LRRK1: variants seen among roughly 807,000 people sequenced by gnomAD.
The protein encoded by LRRK1 is leucine-rich repeat serine/threonine-protein kinase 1.
In LRRK1, 113 loss-of-function variants were observed where a neutral mutation model predicts 209.1. The ratio of observed to expected loss-of-function variants is 0.54; its 90% CI spans 0.46 to 0.63. LRRK1 has a LOEUF of 0.63. Ranked by LOEUF, LRRK1 falls within the 30% of genes least tolerant of loss-of-function variation. LRRK1 has a pLI of 0.00. For synonymous variants in LRRK1, 1,144 were observed against 1,099.7 expected (o/e 1.04, Z -0.80); for missense variants, 2,284 against 2,632.2 (o/e 0.87, Z 2.89).
At chr15:100,955,482 T>C (rs10902587) in intron 2 of LRRK1, among the ~76,000 whole-genome samples, 138,175 of 152,134 alleles carry the variant, frequency 0.91, 62,919 homozygotes, top group East Asian at 0.99. Context: ...TATTTGGATG[T>C]CTTTTATTTC....
chr15:100,954,992 G>T (rs563319278), intron 2 of LRRK1, among the ~76,000 whole-genome samples: 1 of 149,018 alleles, frequency 6.7e-6, no homozygotes, highest in East Asian at 2.0e-4. Flanking sequence ...ATTGGGGGTC[G>T]TCTGTGGTTC....
At chr15:100,928,751 G>A (rs759715930) in intron 2 of LRRK1, among the ~76,000 whole-genome samples, 13 of 152,030 alleles carry the variant, frequency 8.6e-5, no homozygotes, top group African/African-American at 2.7e-4. Flanking sequence ...TGTGACTTGC[G>A]TGACCTCAGC....
intron 4 of LRRK1, among the ~76,000 whole-genome samples, chr15:100,987,952 T>A (rs2031957855): frequency 6.6e-6 from 1 of 152,194 alleles, no homozygotes; most frequent in Non-Finnish European, 1.5e-5. Flanking sequence ...ACCCATTTTT[T>A]ATTTGGCTAA....
At chr15:100,986,793 A>G (rs2031898511) in intron 4 of LRRK1, among the ~76,000 whole-genome samples, 1 of 151,940 alleles carries the variant, frequency 6.6e-6, no homozygotes, top group African/African-American at 2.4e-5. Flanking sequence ...ATTCCCCTAC[A>G]CTCCTTGCCC....
chr15:100,989,132 G>C, intron 5 of LRRK1, 118 bp from the exon 6 acceptor site: 1 of 900,916 alleles, frequency 1.1e-6, no homozygotes, highest in Non-Finnish European at 1.7e-6. Flanking sequence ...AGTAAATAGA[G>C]AAGTCCAACA....
At chr15:100,921,641 C>T (rs540232627) in intron 1 of LRRK1, among the ~76,000 whole-genome samples, 12 of 152,352 alleles carry the variant, frequency 7.9e-5, no homozygotes, top group Non-Finnish European at 1.8e-4. Flanking sequence ...TGTCTGCTCC[C>T]CCACCAGCTT....
intron 6 of LRRK1, among the ~76,000 whole-genome samples, chr15:100,992,444 A>G (rs551079289): frequency 9.2e-5 from 14 of 152,226 alleles, no homozygotes; most frequent in Admixed American, 2.6e-4. Flanking sequence ...TTCTATATCT[A>G]TACTTATATT....
At chr15:100,927,896 C>T (rs1053811983) in intron 2 of LRRK1, among the ~76,000 whole-genome samples, 1 of 152,196 alleles carries the variant, frequency 6.6e-6, no homozygotes, top group African/African-American at 2.4e-5. Flanking sequence ...ACAGTGCTCC[C>T]TCTGTAAAGC....
intron 20 of LRRK1, among the ~76,000 whole-genome samples, chr15:101,042,614 A>G (rs2054127): frequency 0.99 from 150,598 of 152,262 alleles, 74,501 homozygotes; most frequent in East Asian, 1. Context: ...GCCCTTGAGC[A>G]TTGGGCAGCA....
In LRRK1 at chr15:100,952,836, A is replaced by G. The variant is rs1205380703; in HGVS notation, c.98-20968A>G. On this transcript the variant is annotated intron_variant, in intron 2 of 33. Transcript: ENST00000388948. The stretch of plus-strand genomic sequence containing the variant: ...TTTAAGTCTGCGTCATAAAGCTTAC[A>G]TCTTACTTGGGAATATTACTGGGCA... Among the ~76,000 whole-genome samples, 3 of 150,350 alleles carry G rather than the reference A, an allele frequency of 2.0e-5. No individual in the cohort carries two copies. The East Asian group carries it at 5.9e-4, about 30-fold the overall frequency.
intron 3 of LRRK1, 86 bp from the exon 4 acceptor site, chr15:100,983,442 G>T (rs111955263): frequency 7.7e-6 from 10 of 1,301,022 alleles, no homozygotes; most frequent in Non-Finnish European, 8.4e-6. Context: ...GTCCTGCTCC[G>T]GGACCTGGTG....
intron 3 of LRRK1, among the ~76,000 whole-genome samples, chr15:100,975,252 G>A (rs950601991): frequency 6.6e-6 from 1 of 152,234 alleles, no homozygotes; most frequent in Admixed American, 6.5e-5. Flanking sequence ...CTGCCAAGTG[G>A]CCAAGCAGCC....
chr15:100,978,136 A>G (rs1340775084), intron 3 of LRRK1, among the ~76,000 whole-genome samples: 4 of 152,180 alleles, frequency 2.6e-5, no homozygotes, highest in African/African-American at 9.6e-5. Flanking sequence ...TGGAGAAGAG[A>G]GGACAGGGGA....
rs546462445 is a variant in LRRK1, at chr15:100,973,361, G to A, written c.98-443G>A. On this transcript the variant is annotated intron_variant, in intron 2 of 33. Transcript: ENST00000388948. ...CCACGCCCTTCGTGGGGTTTTCTGG[G>A]CAGGGCGGGAAAGCGTCTGGATGTC... 8.5e-5 allele frequency among the ~76,000 whole-genome samples: 13 copies of A among 152,364 alleles called. No homozygotes were observed. In the South Asian group the frequency reaches 2.7e-3, roughly 32 times the overall value.
rs772233068 is a variant in LRRK1 at position 100,989,400 on chromosome 15, T to C, written c.762+2T>C. On this transcript the variant is annotated splice_donor_variant, in intron 6 of 33. Transcript: ENST00000388948. LOFTEE classifies it high-confidence loss of function. ...CCCAGCAGTTATCCGGGAAAAACAG[T>C]GAGTAGTCACTGCCTGTGGAGTGTG... 3 of 1,614,052 alleles carry C rather than the reference T, an allele frequency of 1.9e-6. No homozygotes were observed. The highest frequency in any genetic ancestry group is 1.7e-6 in the Non-Finnish European group (2 of 1,179,998).
intron 10 of LRRK1, 122 bp downstream of exon 10, chr15:101,012,267 A>G: frequency 1.0e-6 from 1 of 975,032 alleles, no homozygotes; most frequent in Non-Finnish European, 1.5e-6. Context: ...AAAGATGAAG[A>G]AAAAGTTCAG....
rs189392749 is a variant in LRRK1, at chr15:101,074,200, C to T, written c.*5352C>T. ...TTTTCTATAGACCCATCTGACCTCT[C>T]CCCTCCTCCCCAGGCTGCTCCTTGC... is the stretch of plus-strand genomic sequence containing the variant. On this transcript the variant is annotated 3_prime_UTR_variant, in exon 34 of 34. Transcript: ENST00000388948. 2 of 152,128 alleles carry T rather than the reference C, an allele frequency of 1.3e-5. No homozygotes were observed. The highest frequency in any genetic ancestry group is 1.5e-5 in the Non-Finnish European group (1 of 68,038). 9.4% of individuals were successfully genotyped at this position (152,128 alleles called of 1,614,324 possible).
At chr15:101,062,246 G>A (rs367986426) in intron 30 of LRRK1, 17 of 246,076 alleles carry the variant, frequency 6.9e-5, no homozygotes, top group Admixed American at 2.6e-4. Context: ...ACAGCATTGC[G>A]GCGTGAGTCC....
At chr15:101,064,032 G>A (rs1226844750) in intron 31 of LRRK1, among the ~76,000 whole-genome samples, 1 of 152,248 alleles carries the variant, frequency 6.6e-6, no homozygotes, top group African/African-American at 2.4e-5. Context: ...CCTGGGCAGG[G>A]TGTCTGCCCC....
Sources: gnomAD v4.1 joint callset for allele counts (sites outside exome capture counted in the v4.1 genomes callset) on GRCh38, gnomAD v4.1.1 for gene constraint, MANE v1.5 for transcripts, NCBI Gene and HGNC (gene_info 2026-07-23, HGNC 2026-07-21) for gene names.